ADAMTS18: variants seen among roughly 807,000 people sequenced by gnomAD.
The protein encoded by ADAMTS18 is A disintegrin and metalloproteinase with thrombospondin motifs 18.
ADAMTS18 carries 157 observed loss-of-function variants against 165.9 expected under a neutral mutation model. The ratio of observed to expected loss-of-function variants is 0.95; its 90% confidence interval spans 0.83 to 1.08. The LOEUF is 1.08. Ranked by LOEUF, ADAMTS18 falls within the 50% of genes least tolerant of loss-of-function variation. The pLI, the probability that ADAMTS18 is intolerant of heterozygous loss-of-function variation, is 0.00. For synonymous variants in ADAMTS18, 782 were observed against 578.2 expected (o/e 1.35, Z -5.06); for missense variants, 2,040 against 1,534.0 (o/e 1.33, Z -5.51).
At chr16:77,427,687 T>G (rs1230468955) in intron 3 of ADAMTS18, among the ~76,000 whole-genome samples, 1 of 152,180 alleles carries the variant, frequency 6.6e-6, no homozygotes, top group Non-Finnish European at 1.5e-5. Flanking sequence ...CAGTAGGCAG[T>G]TTTTACTCAG....
intron 7 of ADAMTS18, 93 bp downstream of exon 7, chr16:77,362,012 T>G: frequency 7.3e-7 from 1 of 1,367,972 alleles, no homozygotes; most frequent in Non-Finnish European, 1.0e-6. Flanking sequence ...GTCTGTTTAT[T>G]AAGGAACATA....
At chr16:77,427,335 T>C (rs1231977520) in intron 3 of ADAMTS18, among the ~76,000 whole-genome samples, 1 of 152,190 alleles carries the variant, frequency 6.6e-6, no homozygotes, top group Non-Finnish European at 1.5e-5. Flanking sequence ...ACATGCAAGT[T>C]TGTTCTGTTG....
intron 7 of ADAMTS18, among the ~76,000 whole-genome samples, chr16:77,360,805 G>T (rs1027947723): frequency 6.6e-6 from 1 of 152,196 alleles, no homozygotes; most frequent in Non-Finnish European, 1.5e-5. Flanking sequence ...TAAAATTTCT[G>T]CCCTGGCACA....
intron 3 of ADAMTS18, among the ~76,000 whole-genome samples, chr16:77,408,336 A>G (rs970356196): frequency 1.3e-5 from 2 of 152,182 alleles, no homozygotes; most frequent in Non-Finnish European, 2.9e-5. Flanking sequence ...TGACCGAGAA[A>G]TTCCATTTCT....
intron 18 of ADAMTS18, among the ~76,000 whole-genome samples, 168 bp downstream of exon 18, chr16:77,297,121 C>T (rs371052102): frequency 1.8e-4 from 27 of 152,220 alleles, no homozygotes; most frequent in East Asian, 1.3e-3. Context: ...GGACCACACA[C>T]GTGCCACCAT....
intron 3 of ADAMTS18, among the ~76,000 whole-genome samples, chr16:77,411,677 ATTTTT>A (rs34453966): frequency 2.7e-5 from 2 of 73,860 alleles, no homozygotes; most frequent in African/African-American, 1.1e-4. Context: ...AGTATCCAGA[ATTTTT>A]TTTTTTTTTT....
intron 5 of ADAMTS18, 29 bp from the exon 6 acceptor site, chr16:77,363,914 T>C: frequency 6.2e-7 from 1 of 1,610,108 alleles, no homozygotes; most frequent in South Asian, 1.1e-5. Flanking sequence ...TCAAACAAAA[T>C]CTCAAAATTT....
intron 13 of ADAMTS18, among the ~76,000 whole-genome samples, chr16:77,324,713 C>T (rs1306714450): frequency 6.6e-6 from 1 of 152,178 alleles, no homozygotes; most frequent in African/African-American, 2.4e-5. Context: ...GACAATATGG[C>T]TAGAATGTTC....
intron 13 of ADAMTS18, among the ~76,000 whole-genome samples, chr16:77,324,845 G>A (rs2056064767): frequency 1.3e-5 from 2 of 152,232 alleles, no homozygotes; most frequent in Admixed American, 6.5e-5. Flanking sequence ...AACCTCTATA[G>A]GTACCTCATT....
In ADAMTS18 at chr16:77,325,791, C is replaced by A. The variant is rs1158531110; in HGVS notation, c.2032+75G>T. Reference sequence around the variant, plus strand: ...CATTCAAACTCTTTGATACAAGCAGCAATTTCTTCTGTATTGGTCAATCAC... The same window carrying A: ...CATTCAAACTCTTTGATACAAGCAGAAATTTCTTCTGTATTGGTCAATCAC... On this transcript the variant is annotated intron_variant, in intron 13 of 22. Coordinates refer to ENST00000282849, the MANE Select transcript of ADAMTS18 (RefSeq NM_199355.4). The A allele has an allele frequency of 1.8e-5, 26 of 1,443,014 alleles. 1 individual carries two copies. The Admixed American group carries it at 3.4e-4, about 19-fold the overall frequency. 89.4% of individuals were successfully genotyped at this position (1,443,014 alleles called of 1,614,324 possible).
intron 3 of ADAMTS18, among the ~76,000 whole-genome samples, chr16:77,407,694 G>A (rs1449269516): frequency 6.6e-6 from 1 of 152,082 alleles, no homozygotes; most frequent in African/African-American, 2.4e-5. Context: ...TGTGCCTGTA[G>A]TGTCTTTCTG....
chr16:77,319,515 C>G (rs567781533), intron 16 of ADAMTS18, among the ~76,000 whole-genome samples: 1 of 152,278 alleles, frequency 6.6e-6, no homozygotes, highest in East Asian at 1.9e-4. Flanking sequence ...CATCTTGGCT[C>G]ACTGCAACTT....
chr16:77,297,587 T>C (rs2055498650), intron 17 of ADAMTS18, among the ~76,000 whole-genome samples, 172 bp from the exon 18 acceptor site: 2 of 152,030 alleles, frequency 1.3e-5, no homozygotes, highest in South Asian at 4.1e-4. Context: ...TGAATTCCAT[T>C]CCCCTCCCTA....
chr16:77,409,431 G>A (rs935926668), intron 3 of ADAMTS18, among the ~76,000 whole-genome samples: 3 of 152,078 alleles, frequency 2.0e-5, no homozygotes, highest in African/African-American at 7.2e-5. Context: ...ACTGGGGACT[G>A]GCTTATTCCA....
intron 16 of ADAMTS18, among the ~76,000 whole-genome samples, chr16:77,316,035 A>G (rs1177199146): frequency 1.3e-5 from 2 of 152,118 alleles, no homozygotes; most frequent in Non-Finnish European, 2.9e-5. Flanking sequence ...ACTCTCTCAC[A>G]TCTTTCTCCC....
In ADAMTS18 at chr16:77,367,559, A is replaced by G. The variant is rs932745565; in HGVS notation, c.660T>C (p.Ser220=). The change falls in exon 4 of 23, where the codon TCT becomes TCC. Residue 220 remains serine, a synonymous_variant. Transcript: ENST00000282849. The stretch of plus-strand genomic sequence containing the variant: ...GGGAGTAACCAGGATAATTCCGGCC[A>G]GAGCCGGGGTAGCCACGGTACCGCT... The part of the protein sequence containing the change: ...KIQRYRGYPG[S]GRNYPGYSPS... 1 of 1,614,238 alleles carries G rather than the reference A, an allele frequency of 6.2e-7. No homozygotes were observed. Among genetic ancestry groups the G allele is most frequent in the Admixed American group, 1.7e-5 (1 of 60,030 alleles).
intron 12 of ADAMTS18, among the ~76,000 whole-genome samples, chr16:77,332,728 C>A (rs1479510346): frequency 1.3e-5 from 2 of 152,126 alleles, no homozygotes; most frequent in African/African-American, 4.8e-5. Context: ...GTGCACAGAG[C>A]ACAAACTGCA....
intron 16 of ADAMTS18, among the ~76,000 whole-genome samples, chr16:77,314,779 TATATATAAA>T (rs1267633157): frequency 1.1e-5 from 1 of 88,334 alleles, no homozygotes; most frequent in Non-Finnish European, 2.3e-5. Context: ...TATATATATA[TATATATAAA>T]ATATATGTGA....
At chr16:77,409,697 T>C (rs1253260635) in intron 3 of ADAMTS18, among the ~76,000 whole-genome samples, 6 of 152,150 alleles carry the variant, frequency 3.9e-5, no homozygotes, top group African/African-American at 7.2e-5. Flanking sequence ...ACAAGCCTTG[T>C]CTTGAATCTC....
Sources: gnomAD v4.1 joint callset for allele counts (sites outside exome capture counted in the v4.1 genomes callset) on GRCh38, gnomAD v4.1.1 for gene constraint, MANE v1.5 for transcripts, NCBI Gene and HGNC (gene_info 2026-07-23, HGNC 2026-07-21) for gene names.